Variants in NUDCD3 observed in about 807,000 individuals in gnomAD.
NUDCD3 encodes NudC domain containing 3.
NUDCD3 carries 13 observed loss-of-function variants against 39.7 expected under a neutral mutation model. The observed-to-expected ratio is 0.33, with a 90% CI of 0.21 to 0.52. The LOEUF is 0.52. Among genes scored for constraint, NUDCD3 ranks in the 20% least tolerant of loss-of-function variants. NUDCD3 has a pLI of 0.96. For missense variants in NUDCD3, 453 were observed against 458.1 expected (o/e 0.99, Z 0.10); for synonymous variants, 175 against 172.4 (o/e 1.02, Z -0.12).
At chr7:44,418,436 C>G (rs760963657) in intron 3 of NUDCD3, among the ~76,000 whole-genome samples, 1 of 152,268 alleles carries the variant, frequency 6.6e-6, no homozygotes, top group African/African-American at 2.4e-5. Context: ...ACACACCTGA[C>G]TCAAACCACA....
chr7:44,387,219 T>C (rs1798416606), intron 5 of NUDCD3, among the ~76,000 whole-genome samples: 1 of 152,170 alleles, frequency 6.6e-6, no homozygotes, highest in Admixed American at 6.5e-5. Context: ...TACAGTGCAG[T>C]GTGTGGTCAT....
At chr7:44,441,825 C>T (rs948401101) in intron 2 of NUDCD3, among the ~76,000 whole-genome samples, 4 of 152,054 alleles carry the variant, frequency 2.6e-5, no homozygotes, top group African/African-American at 9.7e-5. Context: ...AGAGAAGGCC[C>T]CTGGGAGGAG....
chr7:44,409,077 G>A (rs1259171467), intron 3 of NUDCD3, among the ~76,000 whole-genome samples: 5 of 152,158 alleles, frequency 3.3e-5, no homozygotes, highest in African/African-American at 1.2e-4. Flanking sequence ...GCAAAGGTGG[G>A]AAATAAAATG....
chr7:44,484,763 C>A, intron 2 of NUDCD3: 2 of 554,254 alleles, frequency 3.6e-6, no homozygotes, highest in Non-Finnish European at 6.4e-6. Context: ...ACTGACCTTA[C>A]CAAATGAGGG....
At chr7:44,425,334 A>G (rs931353117) in intron 3 of NUDCD3, among the ~76,000 whole-genome samples, 1 of 152,208 alleles carries the variant, frequency 6.6e-6, no homozygotes, top group African/African-American at 2.4e-5. Flanking sequence ...AGAAATTTAC[A>G]ACAAAATAGA....
At chr7:44,405,206 G>A (rs574784864) in intron 3 of NUDCD3, among the ~76,000 whole-genome samples, 2 of 152,152 alleles carry the variant, frequency 1.3e-5, no homozygotes, top group African/African-American at 4.8e-5. Flanking sequence ...TTTGCATTTT[G>A]TCTTGGTTCT....
intron 2 of NUDCD3, among the ~76,000 whole-genome samples, chr7:44,449,035 A>T (rs1799738864): frequency 6.6e-6 from 1 of 152,214 alleles, no homozygotes; most frequent in Non-Finnish European, 1.5e-5. Flanking sequence ...GACCAAACAC[A>T]GGGAGTGGTA....
intron 5 of NUDCD3, among the ~76,000 whole-genome samples, chr7:44,387,768 G>A (rs1402548171): frequency 6.6e-6 from 1 of 152,168 alleles, no homozygotes; most frequent in Non-Finnish European, 1.5e-5. Context: ...AGGGTGCCAA[G>A]ATCAGCACTC....
chr7:44,476,058 A>C (rs767438287), intron 2 of NUDCD3, among the ~76,000 whole-genome samples: 3 of 152,112 alleles, frequency 2.0e-5, no homozygotes, highest in African/African-American at 7.2e-5. Context: ...GTATATGGAG[A>C]GAAGGGGATT....
intron 1 of NUDCD3, among the ~76,000 whole-genome samples, chr7:44,487,644 C>A (rs966491811): frequency 7.2e-5 from 11 of 152,144 alleles, no homozygotes; most frequent in African/African-American, 2.7e-4. Flanking sequence ...GTCAAATGAG[C>A]TTTTGTGGAT....
At chr7:44,433,860 G>A (rs1045817867) in intron 2 of NUDCD3, among the ~76,000 whole-genome samples, 4 of 152,096 alleles carry the variant, frequency 2.6e-5, no homozygotes, top group African/African-American at 4.8e-5. Flanking sequence ...CAAGGCACTC[G>A]AGGTAGCCCA....
intron 4 of NUDCD3, among the ~76,000 whole-genome samples, chr7:44,401,152 C>A (rs1465841857): frequency 6.6e-6 from 1 of 152,190 alleles, no homozygotes; most frequent in African/African-American, 2.4e-5. Flanking sequence ...CCAAAGCCAG[C>A]CCCTCTGATT....
At chr7:44,405,105 G>C (rs1482196041) in intron 3 of NUDCD3, among the ~76,000 whole-genome samples, 1 of 152,166 alleles carries the variant, frequency 6.6e-6, no homozygotes, top group Non-Finnish European at 1.5e-5. Flanking sequence ...GTTGACTATA[G>C]CCTGGTCTTC....
At chr7:44,419,950 G>A (rs769636870) in intron 3 of NUDCD3, among the ~76,000 whole-genome samples, 3 of 152,126 alleles carry the variant, frequency 2.0e-5, no homozygotes, top group Non-Finnish European at 4.4e-5. Flanking sequence ...TCCTCCAAAT[G>A]ATCGCAACTC....
intron 2 of NUDCD3, chr7:44,468,348 G>GAAAAAAAA: frequency 1.6e-5 from 5 of 305,488 alleles, no homozygotes; most frequent in Admixed American, 1.7e-4. Context: ...TGTAAAAACT[G>GAAAAAAAA]CAAAAAAAAA....
intron 2 of NUDCD3, among the ~76,000 whole-genome samples, chr7:44,450,655 T>A (rs547039972): frequency 1.5e-4 from 23 of 150,794 alleles, no homozygotes; most frequent in East Asian, 5.9e-4. Flanking sequence ...AAAAAAAAAA[T>A]AAAACACTAA....
intron 5 of NUDCD3, among the ~76,000 whole-genome samples, chr7:44,389,868 A>G (rs559733439): frequency 4.6e-5 from 7 of 152,300 alleles, no homozygotes; most frequent in Admixed American, 3.3e-4. Flanking sequence ...GCAAGGATGT[A>G]GAGAAGAAAA....
chr7:44,441,184 G>A (rs1365978138), intron 2 of NUDCD3, among the ~76,000 whole-genome samples: 2 of 152,138 alleles, frequency 1.3e-5, no homozygotes, highest in African/African-American at 4.8e-5. Flanking sequence ...TTTTGGGGGC[G>A]AAAATGTTAG....
rs115030512 is a variant in NUDCD3, at chr7:44,411,731, G to C, written c.643-7148C>G. On this transcript the variant is annotated intron_variant, in intron 3 of 5. Transcript: ENST00000355451. ...GTACAACCACTTTGGAAAACTGTTT[G>C]ACAGTTCCTCAAAAAGTTAATTATA... Among the ~76,000 whole-genome samples the C allele has an allele frequency of 8.0e-3, 1,223 of 152,308 alleles. 15 individuals are homozygous for C. Among genetic ancestry groups the C allele is most frequent in the Middle Eastern group, 0.061 (18 of 294 alleles).
Sources: gnomAD v4.1 joint callset for allele counts (sites outside exome capture counted in the v4.1 genomes callset) on GRCh38, gnomAD v4.1.1 for gene constraint, MANE v1.5 for transcripts, NCBI Gene and HGNC (gene_info 2026-07-23, HGNC 2026-07-21) for gene names.